VAV3: variants seen among roughly 807,000 people sequenced by gnomAD.
VAV3 encodes the protein vav guanine nucleotide exchange factor 3.
A neutral mutation model predicts 131.2 loss-of-function variants in VAV3; 94 were observed. The ratio of observed to expected loss-of-function variants is 0.72; its 90% CI spans 0.61 to 0.85. VAV3 has a LOEUF of 0.85. Ranked by LOEUF, VAV3 falls within the 40% of genes least tolerant of loss-of-function variation. The pLI is 0.00. For synonymous variants in VAV3, 349 were observed against 342.0 expected (o/e 1.02, Z -0.22); for missense variants, 939 against 1,002.7 (o/e 0.94, Z 0.86).
chr1:107,651,685 T>C (rs1656184438), intron 19 of VAV3, among the ~76,000 whole-genome samples: 2 of 152,058 alleles, frequency 1.3e-5, no homozygotes, highest in African/African-American at 4.8e-5. Flanking sequence ...CCTTCATTTC[T>C]ACCTCCCAGT....
intron 20 of VAV3, among the ~76,000 whole-genome samples, chr1:107,638,991 C>T (rs1655140590): frequency 6.6e-6 from 1 of 151,702 alleles, no homozygotes; most frequent in Non-Finnish European, 1.5e-5. Context: ...ATATATAGTA[C>T]ATATAAATAT....
At chr1:107,693,150 T>A (rs1010238137) in intron 17 of VAV3, among the ~76,000 whole-genome samples, 2 of 152,170 alleles carry the variant, frequency 1.3e-5, no homozygotes, top group Non-Finnish European at 2.9e-5. Flanking sequence ...ATTATTAACG[T>A]TGGAAAGTTT....
chr1:107,694,808 G>A (rs1490636444), intron 17 of VAV3, among the ~76,000 whole-genome samples: 2 of 152,268 alleles, frequency 1.3e-5, no homozygotes, highest in Admixed American at 1.3e-4. Flanking sequence ...CTTCCTTGAG[G>A]TCAAAACACC....
intron 2 of VAV3, among the ~76,000 whole-genome samples, chr1:107,800,319 T>A (rs2102299787): frequency 6.6e-6 from 1 of 152,284 alleles, no homozygotes; most frequent in African/African-American, 2.4e-5. Context: ...CAACAGTATA[T>A]GAGGGTTCCA....
At chr1:107,890,377 A>G (rs1175141770) in intron 1 of VAV3, among the ~76,000 whole-genome samples, 2 of 152,200 alleles carry the variant, frequency 1.3e-5, no homozygotes, top group African/African-American at 4.8e-5. Flanking sequence ...CCAATTAAGT[A>G]TACAAAGTAC....
At chr1:107,590,399 G>C (rs1650854671) in intron 25 of VAV3, among the ~76,000 whole-genome samples, 1 of 152,104 alleles carries the variant, frequency 6.6e-6, no homozygotes, top group African/African-American at 2.4e-5. Flanking sequence ...ACAAGCAAAG[G>C]GTCCTGGCTT....
intron 1 of VAV3, among the ~76,000 whole-genome samples, chr1:107,883,832 AACTTAG>A (rs1299047168): frequency 6.6e-6 from 1 of 152,140 alleles, no homozygotes; most frequent in African/African-American, 2.4e-5. Context: ...CCTTGGCAGA[AACTTAG>A]ACTTAGAAAC....
chr1:107,705,818 CACTT>C (rs1038785888), intron 15 of VAV3, among the ~76,000 whole-genome samples: 14 of 152,202 alleles, frequency 9.2e-5, no homozygotes, highest in Admixed American at 7.2e-4. Context: ...AGAAAACTGA[CACTT>C]ACTCTAAAGT....
intron 2 of VAV3, among the ~76,000 whole-genome samples, chr1:107,822,657 AAAAT>A (rs139004980): frequency 0.55 from 77,624 of 141,208 alleles, 21,066 homozygotes; most frequent in Non-Finnish European, 0.6. Context: ...CATCTCAAAA[AAAAT>A]AAATAAATAA....
intron 1 of VAV3, among the ~76,000 whole-genome samples, chr1:107,888,710 C>T (rs191495265): frequency 4.7e-4 from 72 of 152,200 alleles, no homozygotes; most frequent in Non-Finnish European, 8.7e-4. Context: ...CCCCCCGCCT[C>T]GGCCTCCCAA....
At chr1:107,824,795 A>T (rs1227172720) in intron 2 of VAV3, among the ~76,000 whole-genome samples, 1 of 152,178 alleles carries the variant, frequency 6.6e-6, no homozygotes, top group Non-Finnish European at 1.5e-5. Flanking sequence ...GGTTAGTCAC[A>T]ATGATTTACT....
intron 15 of VAV3, among the ~76,000 whole-genome samples, chr1:107,725,775 A>G (rs1191187634): frequency 2.0e-5 from 3 of 152,106 alleles, no homozygotes; most frequent in African/African-American, 7.2e-5. Flanking sequence ...AGCCTCCCAA[A>G]GTGTTGGGAT....
intron 1 of VAV3, among the ~76,000 whole-genome samples, chr1:107,888,799 T>TC (rs922198895): frequency 6.6e-6 from 1 of 152,078 alleles, no homozygotes; most frequent in African/African-American, 2.4e-5. Context: ...CTCATATATA[T>TC]CAGTCACTGT....
At chr1:107,797,525 A>AT (rs1666605582) in intron 2 of VAV3, among the ~76,000 whole-genome samples, 1 of 152,226 alleles carries the variant, frequency 6.6e-6, no homozygotes, top group African/African-American at 2.4e-5. Context: ...TCCAAAAAGC[A>AT]TAAGAGTCAA....
chr1:107,653,115 A>T (rs1656297112), intron 19 of VAV3, among the ~76,000 whole-genome samples: 1 of 151,784 alleles, frequency 6.6e-6, no homozygotes, highest in Admixed American at 6.6e-5. Flanking sequence ...AAAGATTCAG[A>T]TTCATGCAGA....
intron 10 of VAV3, among the ~76,000 whole-genome samples, chr1:107,759,034 C>CTATACATAATTATTTAGGCCTT: frequency 6.6e-6 from 1 of 152,290 alleles, no homozygotes; most frequent in South Asian, 2.1e-4. Flanking sequence ...CCCAGCTTCC[C>CTATACATAATTATTTAGGCCTT]TATACATAAT....
At chr1:107,740,303 G>A (rs1274021256) in intron 15 of VAV3, among the ~76,000 whole-genome samples, 1 of 149,766 alleles carries the variant, frequency 6.7e-6, no homozygotes, top group Admixed American at 6.7e-5. Context: ...AAAAAAAAAT[G>A]CTTCTTGTTG....
At chr1:107,734,307 G>A (rs754531198) in intron 15 of VAV3, among the ~76,000 whole-genome samples, 3 of 152,064 alleles carry the variant, frequency 2.0e-5, no homozygotes, top group Non-Finnish European at 4.4e-5. Context: ...ACCAACTAAC[G>A]GGCAAAATAA....
In VAV3 at chr1:107,753,535, T is replaced by TAC. The variant is rs1354923317; in HGVS notation, c.1173+1891_1173+1892insGT. Among the ~76,000 whole-genome samples the TAC allele has an allele frequency of 1.0e-3, 95 of 91,292 alleles. 3 individuals are homozygous for TAC. Among genetic ancestry groups the TAC allele is most frequent in the South Asian group, 7.1e-3 (22 of 3,118 alleles). 59.9% of individuals were successfully genotyped at this position (91,292 alleles called of 152,430 possible). A position where few individuals can be genotyped will look rare whatever the true frequency, so the allele number is the denominator to read the frequency against. ...ACACATATATATATATACGTATATATATATATATATATATACACACACACA... is the reference window on the plus strand; with the variant it reads ...ACACATATATATATATACGTATATATACATATATATATATATACACACACACA... On this transcript the variant is annotated intron_variant, in intron 12 of 26. Coordinates refer to ENST00000370056, the MANE Select transcript of VAV3 (RefSeq NM_006113.5).
Sources: allele counts gnomAD v4.1 joint callset (sites outside exome capture counted in the v4.1 genomes callset), GRCh38; gene constraint gnomAD v4.1.1; transcripts MANE v1.5; gene names NCBI Gene and HGNC (gene_info 2026-07-23, HGNC 2026-07-21).